The following EFNA5 variants were observed in gnomAD, a reference collection of about 807,000 sequenced individuals.
EFNA5 encodes the protein ephrin A5, also known as ephrin-A5.
Under a neutral mutation model 22.9 loss-of-function variants are expected in EFNA5, and 5 were observed. That is an observed-to-expected ratio of 0.22 (90% CI 0.11 to 0.46). The LOEUF is 0.46. Among genes scored for constraint, EFNA5 ranks in the 20% least tolerant of loss-of-function variants. EFNA5 has a pLI of 0.99. For missense variants in EFNA5, 237 were observed against 293.3 expected (o/e 0.81, Z 1.40); for synonymous variants, 113 against 112.2 (o/e 1.01, Z -0.04).
At chr5:107,387,681 C>G (rs1258666210) in intron 3 of EFNA5, 25 bp downstream of exon 3, 1 of 1,585,300 alleles carries the variant, frequency 6.3e-7, no homozygotes, top group Non-Finnish European at 8.6e-7. Context: ...AAGCCACCCT[C>G]TGAAGCTCAT....
At chr5:107,596,698 G>GTC (rs1275716751) in intron 1 of EFNA5, among the ~76,000 whole-genome samples, 1 of 151,940 alleles carries the variant, frequency 6.6e-6, no homozygotes, top group East Asian at 1.9e-4. Context: ...AAATTGAAAT[G>GTC]TCTCTCTCTC....
rs1235846027 is a variant in EFNA5, at chr5:107,670,775, G to A, written c.-162C>T. ...GAGAAAGGAAAGAGGCGCCCACCAA[G>A]CTGGGGAGGGGTAGGAGAGCGAGAA... is the stretch of plus-strand genomic sequence containing the variant. On this transcript the variant is annotated 5_prime_UTR_variant, in exon 1 of 5. Coordinates refer to ENST00000333274, the MANE Select transcript of EFNA5 (RefSeq NM_001962.3). 5 of 961,318 alleles carry A rather than the reference G, an allele frequency of 5.2e-6. No individual in the cohort carries two copies. The highest frequency in any genetic ancestry group is 7.6e-6 in the Non-Finnish European group (5 of 658,474). 59.5% of individuals were successfully genotyped at this position (961,318 alleles called of 1,614,324 possible). A position where few individuals can be genotyped will look rare whatever the true frequency, so the allele number is the denominator to read the frequency against.
chr5:107,444,752 T>A (rs1353444907), intron 1 of EFNA5, among the ~76,000 whole-genome samples: 2 of 152,160 alleles, frequency 1.3e-5, no homozygotes, highest in Non-Finnish European at 2.9e-5. Context: ...AACTTAGAAG[T>A]AAAATTTTCT....
intron 1 of EFNA5, among the ~76,000 whole-genome samples, chr5:107,517,391 G>A (rs1207440656): frequency 1.3e-5 from 2 of 152,114 alleles, no homozygotes; most frequent in African/African-American, 2.4e-5. Flanking sequence ...TGCCTAGGTC[G>A]GCCACCTACT....
At chr5:107,480,116 C>T (rs1455339626) in intron 1 of EFNA5, among the ~76,000 whole-genome samples, 1 of 152,132 alleles carries the variant, frequency 6.6e-6, no homozygotes, top group Non-Finnish European at 1.5e-5. Context: ...ATACATATTT[C>T]CATGTCCCAA....
At chr5:107,494,330 T>C (rs1580492930) in intron 1 of EFNA5, among the ~76,000 whole-genome samples, 1 of 152,130 alleles carries the variant, frequency 6.6e-6, no homozygotes, top group Admixed American at 6.5e-5. Flanking sequence ...TGGCGGGCCC[T>C]GCACTGGGAG....
At chr5:107,547,889 C>T (rs1236609885) in intron 1 of EFNA5, among the ~76,000 whole-genome samples, 1 of 152,116 alleles carries the variant, frequency 6.6e-6, no homozygotes, top group Non-Finnish European at 1.5e-5. Flanking sequence ...AATTGAATCA[C>T]TATTTTTTGA....
rs1393894314 is a variant in EFNA5 at position 107,498,978 on chromosome 5, A to ATGTATGTATGTT, written c.126-71470_126-71469insAACATACATACA. On this transcript the variant is annotated intron_variant, in intron 1 of 4. Coordinates refer to ENST00000333274, the MANE Select transcript of EFNA5 (RefSeq NM_001962.3). ...TAAGTATGTATGTATGTATGTATGT[A>ATGTATGTATGTT]TGTATGTATGTATGTGTATCAGCCA... 2.6e-5 allele frequency among the ~76,000 whole-genome samples: 4 copies of ATGTATGTATGTT among 151,788 alleles called. No individual in the cohort carries two copies. In the East Asian group the frequency reaches 7.7e-4, roughly 29 times the overall value.
chr5:107,458,205 T>C (rs1310189208), intron 1 of EFNA5, among the ~76,000 whole-genome samples: 2 of 152,180 alleles, frequency 1.3e-5, no homozygotes, highest in Non-Finnish European at 2.9e-5. Flanking sequence ...ACAGTTGTTA[T>C]AATTATTTGA....
chr5:107,605,620 T>C (rs983836532), intron 1 of EFNA5, among the ~76,000 whole-genome samples: 26 of 150,562 alleles, frequency 1.7e-4, no homozygotes, highest in South Asian at 6.4e-4. Context: ...AATTTCAATA[T>C]GGTTCATTGC....
intron 1 of EFNA5, among the ~76,000 whole-genome samples, chr5:107,601,603 G>C (rs2112512661): frequency 6.6e-6 from 1 of 152,258 alleles, no homozygotes; most frequent in Non-Finnish European, 1.5e-5. Flanking sequence ...GAAAATAAAA[G>C]TCCTTAAGAG....
intron 1 of EFNA5, among the ~76,000 whole-genome samples, chr5:107,516,734 A>G (rs1158690679): frequency 6.6e-6 from 1 of 152,194 alleles, no homozygotes; most frequent in Admixed American, 6.5e-5. Flanking sequence ...GACAGCTGCA[A>G]ACCACAGCAT....
At chr5:107,452,034 C>T (rs1043799256) in intron 1 of EFNA5, among the ~76,000 whole-genome samples, 4 of 152,146 alleles carry the variant, frequency 2.6e-5, no homozygotes, top group Non-Finnish European at 4.4e-5. Flanking sequence ...CCAAGGAATA[C>T]TATGCAGCCA....
intron 1 of EFNA5, among the ~76,000 whole-genome samples, chr5:107,603,705 A>G (rs1354324986): frequency 1.3e-5 from 2 of 152,236 alleles, no homozygotes; most frequent in Admixed American, 6.5e-5. Flanking sequence ...AAGTGGAAAC[A>G]AGCTACAGAC....
chr5:107,659,796 G>A lies in EFNA5; in HGVS notation c.125+10693C>T, dbSNP rs1207791356. On this transcript the variant is annotated intron_variant, in intron 1 of 4. Transcript: ENST00000333274. ...AAATAACGAGATATTCAGACTCACA[G>A]ATATTGCTGGTTCTCTCAGTTCATA... Among the ~76,000 whole-genome samples the A allele has an allele frequency of 4.6e-5, 7 of 152,178 alleles. No individual in the cohort carries two copies. The East Asian group carries it at 1.3e-3, about 29-fold the overall frequency.
chr5:107,652,416 G>A, intron 1 of EFNA5, among the ~76,000 whole-genome samples: 1 of 152,116 alleles, frequency 6.6e-6, no homozygotes, highest in East Asian at 1.9e-4. Flanking sequence ...CTCTCTCTCT[G>A]TCCATAGCAT....
chr5:107,591,703 C>T lies in EFNA5; in HGVS notation c.125+78786G>A, dbSNP rs372131451. 7.0e-4 allele frequency among the ~76,000 whole-genome samples: 103 copies of T among 146,336 alleles called. 1 individual carries two copies. In the South Asian group the frequency reaches 0.021, roughly 29 times the overall value. On this transcript the variant is annotated intron_variant, in intron 1 of 4. Coordinates refer to ENST00000333274, the MANE Select transcript of EFNA5 (RefSeq NM_001962.3). ...AGATTTGGTGGCGGGCCCCTGTAATCCCAGCTACTCGGGAGGCTGAGGCAG... is the reference window on the plus strand; with the variant it reads ...AGATTTGGTGGCGGGCCCCTGTAATTCCAGCTACTCGGGAGGCTGAGGCAG...
chr5:107,575,340 A>C (rs1175295062), intron 1 of EFNA5, among the ~76,000 whole-genome samples: 1 of 152,212 alleles, frequency 6.6e-6, no homozygotes, highest in African/African-American at 2.4e-5. Context: ...CTAAGCAGAC[A>C]CTTTCCCAAA....
chr5:107,450,409 C>T (rs1749528273), intron 1 of EFNA5, among the ~76,000 whole-genome samples: 3 of 152,124 alleles, frequency 2.0e-5, no homozygotes, highest in Admixed American at 1.3e-4. Flanking sequence ...CTGCCATGCT[C>T]CCTCTCTTCC....
Sources: gnomAD v4.1 joint callset for allele counts (sites outside exome capture counted in the v4.1 genomes callset) on GRCh38, gnomAD v4.1.1 for gene constraint, MANE v1.5 for transcripts, NCBI Gene and HGNC (gene_info 2026-07-23, HGNC 2026-07-21) for gene names.